The following CERS6 variants were observed in gnomAD, a reference collection of about 807,000 sequenced individuals.
The protein encoded by CERS6 is LAG1 homolog, ceramide synthase 6.
CERS6 carries 26 observed loss-of-function variants against 56.8 expected under a neutral mutation model. The ratio of observed to expected loss-of-function variants is 0.46; its 90% confidence interval spans 0.34 to 0.63. The LOEUF (loss-of-function observed/expected upper bound fraction) is 0.63. CERS6 is among the 30% of genes least tolerant of loss of function. CERS6 has a pLI of 0.01. For missense variants in CERS6, 415 were observed against 467.5 expected (o/e 0.89, Z 1.04); for synonymous variants, 164 against 173.3 (o/e 0.95, Z 0.42).
chr2:168,729,325 G>C (rs1280217915), intron 8 of CERS6, among the ~76,000 whole-genome samples: 1 of 152,172 alleles, frequency 6.6e-6, no homozygotes, highest in Admixed American at 6.5e-5. Context: ...GAAAGTCCTA[G>C]AGCAGATGAA....
Position 168,678,447 on chromosome 2 carries a change from A to G in CERS6, c.466-12587A>G, listed in dbSNP as rs1257315262. Among the ~76,000 whole-genome samples, 3 of 152,146 alleles carry G rather than the reference A, an allele frequency of 2.0e-5. No individual in the cohort carries two copies. In the East Asian group the frequency reaches 5.8e-4, roughly 29 times the overall value. On this transcript the variant is annotated intron_variant, in intron 4 of 9. Transcript: ENST00000305747. Reference sequence around the variant, plus strand: ...CGTCAGACTTCCAGCTGAAAAACCCATTACCTTGGAACAAGGGAAGAACAA... The same window carrying G: ...CGTCAGACTTCCAGCTGAAAAACCCGTTACCTTGGAACAAGGGAAGAACAA...
At chr2:168,646,087 C>G (rs983929279) in intron 4 of CERS6, among the ~76,000 whole-genome samples, 1 of 152,140 alleles carries the variant, frequency 6.6e-6, no homozygotes, top group Non-Finnish European at 1.5e-5. Flanking sequence ...AATGGTAGTT[C>G]TGCTTTTAGC....
At chr2:168,498,003 C>T (rs1025446189) in intron 1 of CERS6, among the ~76,000 whole-genome samples, 1 of 152,096 alleles carries the variant, frequency 6.6e-6, no homozygotes, top group Non-Finnish European at 1.5e-5. Context: ...TGATACCAAG[C>T]CTCCTGCATT....
At chr2:168,731,158 G>C (rs1442095144) in intron 8 of CERS6, among the ~76,000 whole-genome samples, 1 of 152,080 alleles carries the variant, frequency 6.6e-6, no homozygotes, top group African/African-American at 2.4e-5. Context: ...CTGTAATTCT[G>C]CTACCTAGTG....
chr2:168,720,030 G>C (rs1457527912), intron 8 of CERS6, among the ~76,000 whole-genome samples: 1 of 151,344 alleles, frequency 6.6e-6, no homozygotes, highest in Non-Finnish European at 1.5e-5. Context: ...CTGCCTCCCA[G>C]GTTCAAGTGA....
chr2:168,629,582 A>C (rs958694564), intron 3 of CERS6, among the ~76,000 whole-genome samples: 9 of 152,210 alleles, frequency 5.9e-5, no homozygotes, highest in Admixed American at 2.6e-4. Flanking sequence ...AATCCAATGC[A>C]AAATAAGATG....
At chr2:168,519,565 G>A (rs138595294) in intron 1 of CERS6, among the ~76,000 whole-genome samples, 24 of 152,134 alleles carry the variant, frequency 1.6e-4, no homozygotes, top group Non-Finnish European at 2.9e-4. Context: ...TATGGTTCCC[G>A]TCTTTGTGTT....
At chr2:168,719,419 C>T (rs944953826) in intron 8 of CERS6, among the ~76,000 whole-genome samples, 5 of 152,194 alleles carry the variant, frequency 3.3e-5, no homozygotes, top group African/African-American at 1.2e-4. Context: ...AATAGTGACT[C>T]ACCTGTAGAG....
chr2:168,631,812 TTTA>T (rs958613542), intron 4 of CERS6, among the ~76,000 whole-genome samples: 33 of 125,354 alleles, frequency 2.6e-4, no homozygotes, highest in South Asian at 9.2e-4. Flanking sequence ...TATTATATAA[TTTA>T]TTATATATTA....
intron 1 of CERS6, among the ~76,000 whole-genome samples, chr2:168,540,603 A>G (rs1420630091): frequency 6.6e-6 from 1 of 152,232 alleles, no homozygotes; most frequent in Non-Finnish European, 1.5e-5. Context: ...TGATACTCAT[A>G]CAAAGACAAA....
intron 4 of CERS6, among the ~76,000 whole-genome samples, chr2:168,667,252 G>A (rs957660102): frequency 2.0e-5 from 3 of 152,320 alleles, no homozygotes; most frequent in Non-Finnish European, 1.5e-5. Context: ...TTATCTGCCC[G>A]TGCACTTTGT....
At chr2:168,477,772 A>G (rs1217968151) in intron 1 of CERS6, among the ~76,000 whole-genome samples, 1 of 152,224 alleles carries the variant, frequency 6.6e-6, no homozygotes, top group Non-Finnish European at 1.5e-5. Flanking sequence ...GAAAGTTTCT[A>G]ACAGTATGAT....
At chr2:168,661,269 T>A (rs1049962431) in intron 4 of CERS6, among the ~76,000 whole-genome samples, 1 of 152,220 alleles carries the variant, frequency 6.6e-6, no homozygotes, top group Non-Finnish European at 1.5e-5. Flanking sequence ...CCTAATTATA[T>A]TTTTAAATGG....
chr2:168,769,758 C>G lies in CERS6; in HGVS notation c.*96C>G. 1.6e-6 allele frequency: 2 copies of G among 1,286,924 alleles called. No homozygotes were observed. The highest frequency in any genetic ancestry group is 2.2e-6 in the Non-Finnish European group (2 of 909,232). The allele number at this position is 1,286,924 out of a possible 1,614,324, so 79.7% of individuals were successfully genotyped here. On this transcript the variant is annotated 3_prime_UTR_variant, in exon 10 of 10. Coordinates refer to ENST00000305747, the MANE Select transcript of CERS6 (RefSeq NM_203463.3). ...CAGTTCCTTTCATAATATCTCAGCA[C>G]CAGAAACAAAAATTAAGATTATCAA... is the stretch of plus-strand genomic sequence containing the variant.
At chr2:168,727,978 G>A (rs1411249101) in intron 8 of CERS6, among the ~76,000 whole-genome samples, 1 of 152,224 alleles carries the variant, frequency 6.6e-6, no homozygotes, top group African/African-American at 2.4e-5. Flanking sequence ...GTGTTGAGAT[G>A]TCTCTTTCAG....
At chr2:168,690,941 C>A in intron 4 of CERS6, 93 bp from the exon 5 acceptor site, 3 of 1,185,496 alleles carry the variant, frequency 2.5e-6, no homozygotes, top group Non-Finnish European at 3.7e-6. Flanking sequence ...TATTGAAATC[C>A]AAAAATATTA....
chr2:168,718,038 AT>A (rs1243425148), intron 8 of CERS6, 60 bp downstream of exon 8: 6 of 1,250,012 alleles, frequency 4.8e-6, no homozygotes, highest in East Asian at 2.4e-5. Flanking sequence ...TTTCTGAACC[AT>A]TTTCCTTTTG....
intron 8 of CERS6, among the ~76,000 whole-genome samples, chr2:168,742,695 G>A (rs1683952107): frequency 6.6e-6 from 1 of 152,216 alleles, no homozygotes; most frequent in South Asian, 2.1e-4. Flanking sequence ...ACCCACAGGT[G>A]GGAATGGCCT....
chr2:168,692,258 T>C lies in CERS6; in HGVS notation c.516+1174T>C, dbSNP rs550210336. Among the ~76,000 whole-genome samples the C allele has an allele frequency of 2.6e-5, 4 of 152,312 alleles. No homozygotes were observed. In the East Asian group the frequency reaches 5.8e-4, roughly 22 times the overall value. On this transcript the variant is annotated intron_variant, in intron 5 of 9. Transcript: ENST00000305747. ...GTAATTCTCAGGCCCAACTGCTGTT[T>C]ACCGTACTTGGAACATTGTCACATA...
Sources: gnomAD v4.1 joint callset for allele counts (sites outside exome capture counted in the v4.1 genomes callset) on GRCh38, gnomAD v4.1.1 for gene constraint, MANE v1.5 for transcripts, NCBI Gene and HGNC (gene_info 2026-07-23, HGNC 2026-07-21) for gene names.